DMXL1: variants seen among roughly 807,000 people sequenced by gnomAD.
The protein encoded by DMXL1 is dmX-like protein 1.
In DMXL1, 99 loss-of-function variants were observed where a neutral mutation model predicts 319.2. The ratio of observed to expected loss-of-function variants is 0.31; its 90% CI spans 0.26 to 0.37. DMXL1 has a LOEUF of 0.37. DMXL1 is among the 10% of genes least tolerant of loss of function. DMXL1 has a pLI of 1.00. For missense variants in DMXL1, 3,745 were observed against 3,595.6 expected (o/e 1.04, Z -1.06); for synonymous variants, 1,385 against 1,235.2 (o/e 1.12, Z -2.54).
intron 43 of DMXL1, 38 bp downstream of exon 43, chr5:119,244,614 A>G (rs765026894): frequency 4.0e-6 from 6 of 1,501,834 alleles, no homozygotes; most frequent in Non-Finnish European, 2.8e-6. Flanking sequence ...ACAAAATGAA[A>G]TCTTCAGAAA....
At chr5:119,118,787 T>C (rs772166376) in intron 7 of DMXL1, 28 bp from the exon 8 acceptor site, 1 of 1,545,114 alleles carries the variant, frequency 6.5e-7, no homozygotes, top group Non-Finnish European at 8.8e-7. Flanking sequence ...ATTTGTATTT[T>C]TGCTTCTAAA....
intron 1 of DMXL1, among the ~76,000 whole-genome samples, chr5:119,080,770 T>G (rs1332952142): frequency 6.6e-6 from 1 of 152,198 alleles, no homozygotes; most frequent in African/African-American, 2.4e-5. Flanking sequence ...TACTGTACTT[T>G]TCTAGTCTCT....
intron 32 of DMXL1, among the ~76,000 whole-genome samples, chr5:119,198,498 G>A (rs905582981): frequency 1.3e-5 from 2 of 152,294 alleles, no homozygotes; most frequent in East Asian, 1.9e-4. Context: ...GCTCTAGAAC[G>A]ATGCTTTTCA....
chr5:119,091,731 A>T (rs1206450908), intron 1 of DMXL1, among the ~76,000 whole-genome samples: 4 of 152,156 alleles, frequency 2.6e-5, no homozygotes, highest in Non-Finnish European at 5.9e-5. Flanking sequence ...AGGAGATCCC[A>T]CAGGAGGTAT....
intron 13 of DMXL1, among the ~76,000 whole-genome samples, chr5:119,136,336 G>A (rs1765983190): frequency 6.6e-6 from 1 of 152,220 alleles, no homozygotes; most frequent in South Asian, 2.1e-4. Context: ...GTTTGAAATT[G>A]AAATTTATGT....
At chr5:119,229,571 A>G (rs992020182) in intron 38 of DMXL1, among the ~76,000 whole-genome samples, 4 of 152,178 alleles carry the variant, frequency 2.6e-5, no homozygotes, top group African/African-American at 4.8e-5. Context: ...CTCTTTCCCA[A>G]TATGGAACAG....
intron 13 of DMXL1, among the ~76,000 whole-genome samples, chr5:119,134,931 A>G (rs1160838478): frequency 6.6e-6 from 1 of 152,022 alleles, no homozygotes. Context: ...GGTTTTGGCG[A>G]TTTTTCTTTT....
chr5:119,084,724 G>T (rs1368330532), intron 1 of DMXL1, among the ~76,000 whole-genome samples: 2 of 151,958 alleles, frequency 1.3e-5, no homozygotes, highest in Non-Finnish European at 2.9e-5. Flanking sequence ...AATTAGCCCG[G>T]CGTGGTGGCA....
Position 119,110,161 on chromosome 5 carries a change from T to G in DMXL1, c.375T>G (p.Leu125=), listed in dbSNP as rs1561602648. ...TAATATTTTTTTTAGGCAGTCGTCT[T>G]TTAACTGGTTCCAGCTATTTGCAAC... ...NITWDPTGSR[L]LTGSSYLQLW... is the part of the protein sequence containing the mutation. Residue 125 remains leucine, a synonymous_variant, in exon 5 of 44, where the codon CTT becomes CTG. Coordinates refer to ENST00000539542, the MANE Select transcript of DMXL1 (RefSeq NM_001290321.3). 2 of 1,596,086 alleles carry G rather than the reference T, an allele frequency of 1.3e-6. No individual in the cohort carries two copies. The highest frequency in any genetic ancestry group is 2.3e-5 in the East Asian group (1 of 43,648).
chr5:119,104,676 G>A (rs1038224165), intron 3 of DMXL1, among the ~76,000 whole-genome samples: 1 of 152,168 alleles, frequency 6.6e-6, no homozygotes, highest in Non-Finnish European at 1.5e-5. Context: ...AGCATACATT[G>A]TGTATTTCTT....
intron 28 of DMXL1, among the ~76,000 whole-genome samples, 167 bp downstream of exon 28, chr5:119,178,411 G>A (rs1425438607): frequency 6.6e-6 from 1 of 152,158 alleles, no homozygotes; most frequent in Non-Finnish European, 1.5e-5. Flanking sequence ...AAAGTTTCTG[G>A]TGCAGTTTTT....
chr5:119,099,500 C>T (rs949688121), intron 2 of DMXL1, among the ~76,000 whole-genome samples: 1 of 152,158 alleles, frequency 6.6e-6, no homozygotes, highest in South Asian at 2.1e-4. Flanking sequence ...CCACTGCGCC[C>T]AGCCTATCCT....
Position 119,247,415 on chromosome 5 carries a change from A to C in DMXL1, c.*196A>C, listed in dbSNP as rs1789985306. 2 of 485,910 alleles carry C rather than the reference A, an allele frequency of 4.1e-6. No homozygotes were observed. Among genetic ancestry groups the C allele is most frequent in the Non-Finnish European group, 3.7e-6 (1 of 270,336 alleles). 30.1% of individuals were successfully genotyped at this position (485,910 alleles called of 1,614,324 possible). A position where few individuals can be genotyped will look rare whatever the true frequency, so the allele number is the denominator to read the frequency against. On this transcript the variant is annotated 3_prime_UTR_variant, in exon 44 of 44. Transcript: ENST00000539542. ...TTCAGAAGTAGATTACATTGCCTAAAGTAGAATGTGTAAGTAATGCTGTAA... is the reference window on the plus strand; with the variant it reads ...TTCAGAAGTAGATTACATTGCCTAACGTAGAATGTGTAAGTAATGCTGTAA...
chr5:119,164,246 C>T (rs1267213972), intron 19 of DMXL1, among the ~76,000 whole-genome samples: 2 of 152,106 alleles, frequency 1.3e-5, no homozygotes, highest in Non-Finnish European at 2.9e-5. Flanking sequence ...ATCCGAAATA[C>T]ATCAGCACAG....
At chr5:119,108,110 C>G (rs971952556) in intron 4 of DMXL1, among the ~76,000 whole-genome samples, 5 of 152,126 alleles carry the variant, frequency 3.3e-5, no homozygotes, top group Admixed American at 3.3e-4. Flanking sequence ...TACCTGTAAT[C>G]CCAGCAGTTT....
intron 4 of DMXL1, 130 bp downstream of exon 4, chr5:119,105,388 T>A: frequency 3.0e-6 from 2 of 662,946 alleles, no homozygotes; most frequent in East Asian, 2.8e-5. Flanking sequence ...TAAAATGGAT[T>A]ATGCCCTTTT....
intron 9 of DMXL1, among the ~76,000 whole-genome samples, chr5:119,126,057 G>A (rs935441733): frequency 1.6e-4 from 25 of 152,054 alleles, no homozygotes; most frequent in African/African-American, 2.2e-4. Flanking sequence ...TTGGGAGGCC[G>A]AGGCGGTGGT....
Position 119,193,891 on chromosome 5 carries a change from G to C in DMXL1, c.7378G>C (p.Asp2460His). The change falls in exon 30 of 44, where the codon GAT (aspartate) becomes CAT (histidine). Residue 2460 changes from aspartate to histidine, a missense_variant. Asp to His is a moderately conservative substitution (Grantham distance 81). Coordinates refer to ENST00000539542, the MANE Select transcript of DMXL1 (RefSeq NM_001290321.3). ...TTCAGAGGAGAGTCTGGGAAGTGATGATGATGACAATGATGATGATGATGA... is the reference window on the plus strand; with the variant it reads ...TTCAGAGGAGAGTCTGGGAAGTGATCATGATGACAATGATGATGATGATGA... ...YDSEESLGSD[D>H]DDNDDDDDVL... 1.2e-6 allele frequency: 2 copies of C among 1,612,930 alleles called. No individual in the cohort carries two copies. The highest frequency in any genetic ancestry group is 1.7e-6 in the Non-Finnish European group (2 of 1,179,438).
At chr5:119,074,203 G>C (rs1750305008) in intron 1 of DMXL1, among the ~76,000 whole-genome samples, 1 of 152,226 alleles carries the variant, frequency 6.6e-6, no homozygotes, top group South Asian at 2.1e-4. Flanking sequence ...ACAGGCGGGA[G>C]CCACTGCACC....
Sources: gnomAD v4.1 joint callset for allele counts (sites outside exome capture counted in the v4.1 genomes callset) on GRCh38, gnomAD v4.1.1 for gene constraint, MANE v1.5 for transcripts, NCBI Gene and HGNC (gene_info 2026-07-23, HGNC 2026-07-21) for gene names.